Variants in LMBR1 observed in about 807,000 individuals in gnomAD.
LMBR1 encodes limb development membrane protein 1.
In LMBR1, 52 loss-of-function variants were observed where a neutral mutation model predicts 73.9. That is an observed-to-expected ratio of 0.70 (90% confidence interval 0.56 to 0.89). LMBR1 has a LOEUF of 0.89. Ranked by LOEUF, LMBR1 falls within the 40% of genes least tolerant of loss-of-function variation. The pLI, the probability that LMBR1 is intolerant of heterozygous loss-of-function variation, is 0.00. For missense variants in LMBR1, 539 were observed against 579.8 expected (o/e 0.93, Z 0.72); for synonymous variants, 215 against 209.4 (o/e 1.03, Z -0.23).
chr7:156,853,970 TAAAAA>T (rs202144239), intron 1 of LMBR1, among the ~76,000 whole-genome samples: 2 of 134,990 alleles, frequency 1.5e-5, no homozygotes, highest in Admixed American at 7.3e-5. Flanking sequence ...AGAATAAAAT[TAAAAA>T]AAAAAAAAAA....
chr7:156,709,896 A>ATTTTTTTTTTTTT lies in LMBR1; in HGVS notation c.1225+14203_1225+14215dup, dbSNP rs34487923. On this transcript the variant is annotated intron_variant, in intron 15 of 16. Coordinates refer to ENST00000353442, the MANE Select transcript of LMBR1 (RefSeq NM_022458.4). Reference sequence around the variant, plus strand: ...GCCAGTTAAAGAATTCAGAAGGTTGATTTTTTTTTTTTTTTTTTTTTTTTT... The same window carrying ATTTTTTTTTTTTT: ...GCCAGTTAAAGAATTCAGAAGGTTGATTTTTTTTTTTTTTTTTTTTTTTTTTTTTTTTTTTTTT... Among the ~76,000 whole-genome samples the ATTTTTTTTTTTTT allele has an allele frequency of 1.7e-3, 158 of 90,354 alleles. 11 individuals carry two copies. The highest frequency in any genetic ancestry group is 7.2e-3 in the Middle Eastern group (1 of 138). The allele number at this position is 90,354 out of a possible 152,430, so 59.3% of individuals were successfully genotyped here.
chr7:156,888,185 C>T (rs182207238), intron 1 of LMBR1, among the ~76,000 whole-genome samples: 4 of 150,114 alleles, frequency 2.7e-5, no homozygotes, highest in African/African-American at 4.9e-5. Flanking sequence ...CTGAGGCGGG[C>T]GAATCACGAG....
chr7:156,866,486 G>C (rs1384036322), intron 1 of LMBR1, among the ~76,000 whole-genome samples: 2 of 151,236 alleles, frequency 1.3e-5, no homozygotes, highest in African/African-American at 4.9e-5. Flanking sequence ...GGCTTATCTA[G>C]AATGCTGAAA....
chr7:156,762,299 TC>T, intron 7 of LMBR1, 101 bp from the exon 8 acceptor site: 2 of 749,230 alleles, frequency 2.7e-6, no homozygotes, highest in South Asian at 3.3e-5. Flanking sequence ...TCAAGGATTA[TC>T]ATTTTAAGAA....
downstream of LMBR1, chr7:156,676,253 A>G (rs1209662824): frequency 5.9e-6 from 9 of 1,538,240 alleles, no homozygotes; most frequent in Non-Finnish European, 3.5e-6. Flanking sequence ...GTGTATATAT[A>G]TATGTATATA....
At chr7:156,798,736 T>A (rs1311073832) in intron 4 of LMBR1, among the ~76,000 whole-genome samples, 1 of 152,176 alleles carries the variant, frequency 6.6e-6, no homozygotes, top group Non-Finnish European at 1.5e-5. Context: ...ACCATGGTTG[T>A]TAATCTATTG....
Position 156,804,827 on chromosome 7 carries a change from C to T in LMBR1, c.320-8335G>A, listed in dbSNP as rs1831708534. ...TTCTCTTAACAGTATCTTTAAAGAA[C>T]AAAATTTATTAGAAGTCCAATTTAT... On this transcript the variant is annotated intron_variant, in intron 4 of 16. Coordinates refer to ENST00000353442, the MANE Select transcript of LMBR1 (RefSeq NM_022458.4). Among the ~76,000 whole-genome samples, 5 of 151,902 alleles carry T rather than the reference C, an allele frequency of 3.3e-5. No individual in the cohort carries two copies. The South Asian group carries it at 1.0e-3, about 32-fold the overall frequency.
intron 9 of LMBR1, among the ~76,000 whole-genome samples, chr7:156,737,425 G>C (rs532556529): frequency 2.6e-5 from 4 of 152,008 alleles, no homozygotes; most frequent in African/African-American, 9.7e-5. Context: ...TTCATGTACT[G>C]TGTTGGGCAC....
intron 4 of LMBR1, among the ~76,000 whole-genome samples, chr7:156,809,824 A>C (rs928830889): frequency 6.6e-6 from 1 of 152,112 alleles, no homozygotes; most frequent in African/African-American, 2.4e-5. Flanking sequence ...TTTATCACTG[A>C]TTTTGAGCCA....
chr7:156,858,498 T>C (rs562248055), intron 1 of LMBR1, among the ~76,000 whole-genome samples: 2 of 152,334 alleles, frequency 1.3e-5, no homozygotes, highest in South Asian at 4.1e-4. Flanking sequence ...GAAGATGTGA[T>C]ACAATTCTCC....
intron 1 of LMBR1, among the ~76,000 whole-genome samples, chr7:156,888,826 A>C (rs1175705782): frequency 6.6e-6 from 1 of 152,116 alleles, no homozygotes; most frequent in Non-Finnish European, 1.5e-5. Flanking sequence ...AGGCTGAGGC[A>C]GGTGGATCAC....
intron 5 of LMBR1, among the ~76,000 whole-genome samples, chr7:156,792,751 C>T (rs565332875): frequency 5.3e-5 from 8 of 152,282 alleles, no homozygotes; most frequent in South Asian, 2.1e-4. Context: ...GCTCTGCATC[C>T]GCCCATGGCC....
At chr7:156,716,415 A>G (rs1813222475) in intron 15 of LMBR1, among the ~76,000 whole-genome samples, 1 of 152,242 alleles carries the variant, frequency 6.6e-6, no homozygotes, top group Non-Finnish European at 1.5e-5. Context: ...GTCGTCCAGA[A>G]CTAGAGTATG....
At chr7:156,874,296 A>G (rs376776392) in intron 1 of LMBR1, among the ~76,000 whole-genome samples, 1 of 152,196 alleles carries the variant, frequency 6.6e-6, no homozygotes, top group African/African-American at 2.4e-5. Context: ...GGCTGCTCCG[A>G]GTGCGGGGCC....
At chr7:156,769,621 G>A (rs1308429350) in intron 5 of LMBR1, among the ~76,000 whole-genome samples, 1 of 152,170 alleles carries the variant, frequency 6.6e-6, no homozygotes, top group East Asian at 1.9e-4. Flanking sequence ...GCTGTTACAT[G>A]GATGCTGGCA....
At chr7:156,713,887 A>G (rs770534488) in intron 15 of LMBR1, among the ~76,000 whole-genome samples, 1 of 151,984 alleles carries the variant, frequency 6.6e-6, no homozygotes, top group Non-Finnish European at 1.5e-5. Flanking sequence ...GAAACTCTAT[A>G]TTTTCTGTAT....
intron 1 of LMBR1, among the ~76,000 whole-genome samples, chr7:156,870,757 A>AC (rs1274581314): frequency 8.0e-6 from 1 of 125,146 alleles, no homozygotes; most frequent in Non-Finnish European, 1.8e-5. Context: ...ACTCTGTCAC[A>AC]AAAAAAAAAA....
rs187559145 is a variant in LMBR1, at chr7:156,801,322, A to C, written c.320-4830T>G. Among the ~76,000 whole-genome samples the C allele has an allele frequency of 3.3e-5, 5 of 152,322 alleles. No homozygotes were observed. In the East Asian group the frequency reaches 9.6e-4, roughly 29 times the overall value. On this transcript the variant is annotated intron_variant, in intron 4 of 16. Coordinates refer to ENST00000353442, the MANE Select transcript of LMBR1 (RefSeq NM_022458.4). Reference sequence around the variant, plus strand: ...ATTACAGCTCACTAAAGGCTCAGATAATTGTTACCATTTTTTAGCAATAAA... The same window carrying C: ...ATTACAGCTCACTAAAGGCTCAGATCATTGTTACCATTTTTTAGCAATAAA...
chr7:156,693,600 T>C (rs1807680871), intron 15 of LMBR1, among the ~76,000 whole-genome samples: 3 of 152,048 alleles, frequency 2.0e-5, no homozygotes, highest in African/African-American at 7.2e-5. Context: ...TTAGAAGAAA[T>C]AGAAAACCTG....
Sources: allele counts gnomAD v4.1 joint callset (sites outside exome capture counted in the v4.1 genomes callset), GRCh38; gene constraint gnomAD v4.1.1; transcripts MANE v1.5; gene names NCBI Gene and HGNC (gene_info 2026-07-23, HGNC 2026-07-21).